SLC25A16: variants seen among roughly 807,000 people sequenced by gnomAD.
The protein encoded by SLC25A16 is solute carrier family 25 member 16.
Under a neutral mutation model 41.5 loss-of-function variants are expected in SLC25A16, and 39 were observed. The ratio of observed to expected loss-of-function variants is 0.94; its 90% CI spans 0.73 to 1.23. The LOEUF is 1.23. Among genes scored for constraint, SLC25A16 ranks in the 50% most tolerant of loss-of-function variants. SLC25A16 has a pLI of 0.00. For missense variants in SLC25A16, 421 were observed against 426.9 expected, an observed-to-expected ratio of 0.99 and a Z score of 0.12; for synonymous variants, 146 against 147.8, an observed-to-expected ratio of 0.99 and a Z score of 0.09.
intron 6 of SLC25A16, among the ~76,000 whole-genome samples, 175 bp from the exon 7 acceptor site, chr10:68,488,804 A>G (rs551793363): frequency 6.6e-6 from 1 of 152,324 alleles, no homozygotes; most frequent in African/African-American, 2.4e-5. Flanking sequence ...CCAATAAAAA[A>G]TTATAGCTTT....
In SLC25A16 at chr10:68,483,434, A is replaced by C; in HGVS notation, c.997T>G (p.Ter333GluextTer9). The stretch of plus-strand genomic sequence containing the variant: ...GAAAAACCAACCATAATTTTTTTTT[A>C]GTTGAGGTGAAAAAACTGCTTCATA... ...ELMKQFFHLN[*>E] The change falls in exon 9 of 9, where the codon TAA becomes GAA. Residue 333 changes from the stop codon to glutamate, a stop_lost. Transcript: ENST00000609923. 2 of 1,568,406 alleles carry C rather than the reference A, an allele frequency of 1.3e-6. No individual in the cohort carries two copies. Among genetic ancestry groups the C allele is most frequent in the Non-Finnish European group, 1.7e-6 (2 of 1,159,262 alleles).
At position 68,489,629 on chromosome 10, in the gene SLC25A16, G is replaced by A. The variant is rs571887943; in HGVS notation, c.611-1000C>T. On this transcript the variant is annotated intron_variant, in intron 6 of 8. Coordinates refer to ENST00000609923, the MANE Select transcript of SLC25A16 (RefSeq NM_152707.4). ...GTGATGTTTATTGAATTGGCCAGGC[G>A]CGGTGGCTTATGCCTGTAATCCCAG... 9.9e-5 allele frequency among the ~76,000 whole-genome samples: 15 copies of A among 152,122 alleles called. No homozygotes were observed. The East Asian group carries it at 1.5e-3, about 16-fold the overall frequency.
chr10:68,514,930 G>T (rs1220686573), intron 2 of SLC25A16, among the ~76,000 whole-genome samples: 2 of 151,502 alleles, frequency 1.3e-5, no homozygotes, highest in African/African-American at 2.4e-5. Context: ...TAGAGACAGG[G>T]TTTCACCATG....
intron 1 of SLC25A16, among the ~76,000 whole-genome samples, chr10:68,521,376 C>G (rs965642635): frequency 1.3e-5 from 2 of 151,912 alleles, no homozygotes; most frequent in African/African-American, 4.8e-5. Context: ...TCTCTACTAA[C>G]AGTACAAAAA....
intron 8 of SLC25A16, among the ~76,000 whole-genome samples, chr10:68,486,304 G>A (rs184436943): frequency 6.6e-6 from 1 of 151,002 alleles, no homozygotes; most frequent in East Asian, 2.0e-4. Context: ...TGTGTTGCCT[G>A]GGCTGGTCTT....
At chr10:68,510,909 G>A (rs1231813918) in intron 2 of SLC25A16, among the ~76,000 whole-genome samples, 1 of 151,944 alleles carries the variant, frequency 6.6e-6, no homozygotes, top group Non-Finnish European at 1.5e-5. Context: ...CAAAAAGTGG[G>A]GAGGTACCTG....
intron 8 of SLC25A16, among the ~76,000 whole-genome samples, chr10:68,486,246 A>C (rs28825517): frequency 0.046 from 6,600 of 142,322 alleles, 341 homozygotes; most frequent in African/African-American, 0.11. Context: ...AAAAAAAAAA[A>C]ACACAACCTC....
rs949487464 is a variant in SLC25A16 at position 68,527,365 on chromosome 10, G to A, written c.11C>T (p.Ala4Val). 5.3e-6 allele frequency: 8 copies of A among 1,500,780 alleles called. No homozygotes were observed. Among genetic ancestry groups the A allele is most frequent in the East Asian group, 2.6e-5 (1 of 38,694 alleles). The allele number at this position is 1,500,780 out of a possible 1,614,324, so 93.0% of individuals were successfully genotyped here. Reference sequence around the variant, plus strand: ...CGCCGCCAGGGCTGCCGCGGCCGTCGCCGCCGCCATCAGGACCAGGGTCGC... The same window carrying A: ...CGCCGCCAGGGCTGCCGCGGCCGTCACCGCCGCCATCAGGACCAGGGTCGC... The part of the protein sequence containing the change: MAA[A>V]TAAAALAAAD... Residue 4 changes from alanine (A) to valine (V), a missense_variant, in exon 1 of 9, where the codon GCG becomes GTG. Physicochemically the swap from Ala to Val is moderately conservative, Grantham distance 64 (BLOSUM62 0). Transcript: ENST00000609923.
intron 2 of SLC25A16, among the ~76,000 whole-genome samples, chr10:68,511,889 C>T (rs1302622752): frequency 6.6e-6 from 1 of 151,802 alleles, no homozygotes; most frequent in Non-Finnish European, 1.5e-5. Flanking sequence ...TGGGTTCTCA[C>T]TCTATCGCCC....
intron 2 of SLC25A16, among the ~76,000 whole-genome samples, chr10:68,508,529 C>A (rs1414761859): frequency 6.6e-6 from 1 of 151,460 alleles, no homozygotes; most frequent in Non-Finnish European, 1.5e-5. Flanking sequence ...GCTTGACCAA[C>A]ATGGAGAAAC....
At position 68,485,692 on chromosome 10, in the gene SLC25A16, T is replaced by C. The variant is rs2052548130; in HGVS notation, c.842+1452A>G. Among the ~76,000 whole-genome samples the C allele has an allele frequency of 2.0e-5, 3 of 152,130 alleles. No homozygotes were observed. The South Asian group carries it at 6.2e-4, about 32-fold the overall frequency. The stretch of plus-strand genomic sequence containing the variant: ...GCCACTGCGACAGGCCTTTTTTGTT[T>C]TTTTCAGAGTCTCACTCTGTCACCT... On this transcript the variant is annotated intron_variant, in intron 8 of 8. Coordinates refer to ENST00000609923, the MANE Select transcript of SLC25A16 (RefSeq NM_152707.4).
rs2052604050 is a variant in SLC25A16 at position 68,488,578 on chromosome 10, G to A, written c.662C>T (p.Ala221Val). ...GTLKSVGLSH[A>V]PTLLGRPSSD... is the part of the protein sequence containing the mutation. ...TGAAGGTCTGCCAAGAAGGGTAGGA[G>A]CATGGGAAAGCCCAACACTCTTCAA... The change falls in exon 7 of 9, where the codon GCT becomes GTT. Residue 221 changes from alanine to valine, a missense_variant. Ala to Val is a moderately conservative substitution (Grantham distance 64, BLOSUM62 0). Coordinates refer to ENST00000609923, the MANE Select transcript of SLC25A16 (RefSeq NM_152707.4). 1.2e-6 allele frequency: 2 copies of A among 1,611,584 alleles called. No homozygotes were observed. The highest frequency in any genetic ancestry group is 1.7e-6 in the Non-Finnish European group (2 of 1,179,482).
chr10:68,489,899 CAA>C (rs71019017), intron 6 of SLC25A16, among the ~76,000 whole-genome samples: 192 of 84,006 alleles, frequency 2.3e-3, no homozygotes, highest in African/African-American at 6.9e-3. Context: ...GACTCTGTCT[CAA>C]AAAAAAAAAA....
chr10:68,516,735 G>C lies in SLC25A16; in HGVS notation c.223+16C>G. On this transcript the variant is annotated intron_variant, in intron 2 of 8. Transcript: ENST00000609923. Reference sequence around the variant, plus strand: ...ATATTTTCATTCATTTTTATCTTTAGCATCTATTAACTCACCTAAATGCTT... The same window carrying C: ...ATATTTTCATTCATTTTTATCTTTACCATCTATTAACTCACCTAAATGCTT... The C allele has an allele frequency of 2.0e-6, 3 of 1,486,666 alleles. No individual in the cohort carries two copies. Among genetic ancestry groups the C allele is most frequent in the Non-Finnish European group, 2.8e-6 (3 of 1,077,592 alleles). The allele number at this position is 1,486,666 out of a possible 1,614,324, so 92.1% of individuals were successfully genotyped here.
chr10:68,523,394 T>C (rs1414136151), intron 1 of SLC25A16, among the ~76,000 whole-genome samples: 2 of 152,092 alleles, frequency 1.3e-5, no homozygotes, highest in African/African-American at 4.8e-5. Context: ...CACCCGGCCA[T>C]AGATATTTTG....
In SLC25A16 at chr10:68,478,527, T is replaced by C. The variant is rs541226684; in HGVS notation, c.*4905A>G. 5.9e-5 allele frequency: 9 copies of C among 152,044 alleles called. No homozygotes were observed. The highest frequency in any genetic ancestry group is 2.2e-4 in the African/African-American group (9 of 41,514). 9.4% of individuals were successfully genotyped at this position (152,044 alleles called of 1,614,324 possible). A position where few individuals can be genotyped will look rare whatever the true frequency, so the allele number is the denominator to read the frequency against. ...GGGAAAAAAAATAAATAATTATACATAGGGTTTTTTAAAAAAACATTTTAT... is the reference window on the plus strand; with the variant it reads ...GGGAAAAAAAATAAATAATTATACACAGGGTTTTTTAAAAAAACATTTTAT... On this transcript the variant is annotated 3_prime_UTR_variant, in exon 9 of 9. Coordinates refer to ENST00000609923, the MANE Select transcript of SLC25A16 (RefSeq NM_152707.4).
intron 4 of SLC25A16, among the ~76,000 whole-genome samples, chr10:68,501,244 C>T (rs2052839404): frequency 6.6e-6 from 1 of 150,868 alleles, no homozygotes; most frequent in African/African-American, 2.4e-5. Context: ...GAGAGGGACT[C>T]CATCTCAAAA....
intron 8 of SLC25A16, among the ~76,000 whole-genome samples, chr10:68,486,451 G>A (rs1194179318): frequency 2.6e-5 from 4 of 151,128 alleles, no homozygotes; most frequent in African/African-American, 9.7e-5. Context: ...TTATTGAGAT[G>A]GAGTCTCACT....
At chr10:68,504,651 T>C (rs2052921073) in intron 3 of SLC25A16, among the ~76,000 whole-genome samples, 1 of 151,636 alleles carries the variant, frequency 6.6e-6, no homozygotes, top group African/African-American at 2.4e-5. Context: ...TGCTGGGGAT[T>C]ACAGGCATGA....
Sources: allele counts gnomAD v4.1 joint callset (sites outside exome capture counted in the v4.1 genomes callset), GRCh38; gene constraint gnomAD v4.1.1; transcripts MANE v1.5; gene names NCBI Gene and HGNC (gene_info 2026-07-23, HGNC 2026-07-21).